NEU3: variants seen among roughly 807,000 people sequenced by gnomAD.
The protein encoded by NEU3 is sialidase-3.
NEU3 carries 10 observed loss-of-function variants against 11.4 expected under a neutral mutation model. The observed-to-expected ratio is 0.88, with a 90% CI of 0.54 to 1.49. NEU3 has a LOEUF of 1.49. Among genes scored for constraint, NEU3 ranks in the 40% most tolerant of loss-of-function variants. The pLI, the probability that NEU3 is intolerant of heterozygous loss-of-function variation, is 0.00. For missense variants in NEU3, 529 were observed against 581.8 expected, an observed-to-expected ratio of 0.91 and a Z score of 0.93; for synonymous variants, 212 against 228.2, an observed-to-expected ratio of 0.93 and a Z score of 0.64.
At chr11:74,991,709 G>A (rs113968374) in intron 1 of NEU3, among the ~76,000 whole-genome samples, 100 of 152,160 alleles carry the variant, frequency 6.6e-4, no homozygotes, top group African/African-American at 2.3e-3. Context: ...AAACTACTGA[G>A]AGGCCCCAAA....
At chr11:75,004,418 T>G in intron 2 of NEU3, 1 of 485,350 alleles carries the variant, frequency 2.1e-6, no homozygotes, top group Non-Finnish European at 3.6e-6. Context: ...CAGTTTCGTT[T>G]TAATTTGCAT....
In NEU3 at chr11:74,996,140, C is replaced by T. The variant is rs35608431; in HGVS notation, c.306+1420C>T. 9.1e-3 allele frequency among the ~76,000 whole-genome samples: 1,379 copies of T among 152,200 alleles called. 9 individuals carry two copies. Among genetic ancestry groups the T allele is most frequent in the Middle Eastern group, 0.014 (4 of 294 alleles). On this transcript the variant is annotated intron_variant, in intron 2 of 2. Coordinates refer to ENST00000294064, the MANE Select transcript of NEU3 (RefSeq NM_006656.6). ...CTGCCCTCCCGCCTGGGGGACAGAGCAATACCCTGTCTACCCCCAACAAGA... is the reference window on the plus strand; with the variant it reads ...CTGCCCTCCCGCCTGGGGGACAGAGTAATACCCTGTCTACCCCCAACAAGA...
intron 3 of NEU3, among the ~76,000 whole-genome samples, chr11:75,016,920 C>CT (rs1453083012): frequency 6.6e-6 from 1 of 152,176 alleles, no homozygotes. Context: ...CTGGTCTGAA[C>CT]ACTCTAGCCT....
At chr11:74,997,929 C>T (rs192536525) in intron 2 of NEU3, among the ~76,000 whole-genome samples, 56 of 152,256 alleles carry the variant, frequency 3.7e-4, no homozygotes, top group African/African-American at 1.2e-3. Context: ...GCCTAGCTAT[C>T]GGCCTGTCTT....
chr11:75,012,103 G>A (rs1425718556), downstream of NEU3, among the ~76,000 whole-genome samples: 1 of 152,166 alleles, frequency 6.6e-6, no homozygotes, highest in African/African-American at 2.4e-5. Context: ...CCTGAGTGAC[G>A]TGTCCAGTTT....
chr11:74,984,159 G>A (rs1768503183), upstream of NEU3, among the ~76,000 whole-genome samples: 2 of 152,190 alleles, frequency 1.3e-5, no homozygotes, highest in African/African-American at 2.4e-5. Context: ...GCATATCGTT[G>A]GGAGACAATT....
intron 1 of NEU3, among the ~76,000 whole-genome samples, chr11:74,992,675 G>C (rs1451641856): frequency 3.3e-5 from 5 of 152,186 alleles, no homozygotes; most frequent in Non-Finnish European, 7.4e-5. Context: ...ATATAACAAA[G>C]CCGGCCGGGC....
downstream of NEU3, among the ~76,000 whole-genome samples, chr11:75,015,148 G>A (rs1449724431): frequency 6.6e-6 from 1 of 152,146 alleles, no homozygotes; most frequent in Non-Finnish European, 1.5e-5. Context: ...TTTGGGAGGT[G>A]ATGAGGTCAT....
chr11:75,001,886 G>A (rs17245026), intron 2 of NEU3, among the ~76,000 whole-genome samples: 6,464 of 152,260 alleles, frequency 0.042, 216 homozygotes, highest in Middle Eastern at 0.078. Flanking sequence ...GGCATGTTTA[G>A]TGTGCTCAGG....
intron 1 of NEU3, among the ~76,000 whole-genome samples, chr11:74,990,539 T>C (rs777984129): frequency 6.6e-6 from 1 of 152,120 alleles, no homozygotes; most frequent in South Asian, 2.1e-4. Flanking sequence ...TTTGTATTTT[T>C]AGTAGAGATG....
chr11:75,014,163 G>A (rs1948971586), downstream of NEU3, among the ~76,000 whole-genome samples: 1 of 152,146 alleles, frequency 6.6e-6, no homozygotes, highest in Non-Finnish European at 1.5e-5. Context: ...CAGATCAGAT[G>A]GCTTCCAAGA....
At chr11:74,983,930 T>A (rs1032052745), upstream of NEU3, among the ~76,000 whole-genome samples, 4 of 152,208 alleles carry the variant, frequency 2.6e-5, no homozygotes, top group Non-Finnish European at 5.9e-5. Context: ...TTTTTTTTCC[T>A]ACCTTGTTGG....
intron 1 of NEU3, among the ~76,000 whole-genome samples, chr11:74,990,808 T>G (rs779744370): frequency 1.3e-5 from 2 of 152,214 alleles, no homozygotes; most frequent in Non-Finnish European, 2.9e-5. Flanking sequence ...AATTAAGGTG[T>G]TAAGAGTTTA....
upstream of NEU3, among the ~76,000 whole-genome samples, chr11:74,986,552 A>G (rs1948666949): frequency 1.3e-5 from 2 of 152,208 alleles, no homozygotes; most frequent in Non-Finnish European, 1.5e-5. Flanking sequence ...CTAAAACTGT[A>G]TTAACTTTAT....
At chr11:74,981,241 A>G in the NEU3 span, among the ~76,000 whole-genome samples, 5 of 152,152 alleles carry the variant, frequency 3.3e-5, no homozygotes. Flanking sequence ...ATGAGGATTG[A>G]GTAGTTGTCA....
chr11:74,987,890 TTTTTTTTC>T (rs758783927), upstream of NEU3, among the ~76,000 whole-genome samples: 36,561 of 82,012 alleles, frequency 0.45, 7,003 homozygotes, highest in Non-Finnish European at 0.51. Context: ...CTAGGCCTTT[TTTTTTTTC>T]TTTTTTTTTT....
At chr11:75,012,423 A>G (rs1948962073), downstream of NEU3, among the ~76,000 whole-genome samples, 1 of 152,214 alleles carries the variant, frequency 6.6e-6, no homozygotes, top group Non-Finnish European at 1.5e-5. Context: ...GGTGAGCATC[A>G]AGTTTAAAAC....
chr11:74,985,738 GGGATT>G (rs750120549), upstream of NEU3, among the ~76,000 whole-genome samples: 33 of 152,220 alleles, frequency 2.2e-4, no homozygotes, highest in Non-Finnish European at 4.7e-4. Context: ...CCTCCCATGA[GGGATT>G]GCAAAGAGCC....
chr11:74,991,408 AGT>A (rs1191162838), intron 1 of NEU3, among the ~76,000 whole-genome samples: 1 of 152,244 alleles, frequency 6.6e-6, no homozygotes, highest in Non-Finnish European at 1.5e-5. Flanking sequence ...GTTAGGAACA[AGT>A]GACTAAATAT....
Sources: allele counts gnomAD v4.1 joint callset (sites outside exome capture counted in the v4.1 genomes callset), GRCh38; gene constraint gnomAD v4.1.1; transcripts MANE v1.5; gene names NCBI Gene and HGNC (gene_info 2026-07-23, HGNC 2026-07-21).